Variants in UGT1A8 observed in about 807,000 individuals in gnomAD.
UGT1A8 encodes UDP glucuronosyltransferase family 1 member A8, also known as UDP-glucuronosyltransferase 1A8.
In UGT1A8, 39 loss-of-function variants were observed where a neutral mutation model predicts 45.3. The observed-to-expected ratio is 0.86, with a 90% CI of 0.67 to 1.12. The LOEUF is 1.12. Among genes scored for constraint, UGT1A8 ranks in the 50% most tolerant of loss-of-function variants. The pLI is 0.00. For missense variants in UGT1A8, 719 were observed against 664.9 expected (o/e 1.08, Z -0.90); for synonymous variants, 275 against 249.2 (o/e 1.10, Z -0.97).
chr2:233,754,865 T>C, intron 1 of UGT1A8: 1 of 1,351,074 alleles, frequency 7.4e-7, no homozygotes, highest in Non-Finnish European at 9.9e-7. Flanking sequence ...GTGCAGACCC[T>C]CTGCTTCTGC....
At chr2:233,689,490 A>G (rs943667421) in intron 1 of UGT1A8, among the ~76,000 whole-genome samples, 8 of 152,220 alleles carry the variant, frequency 5.3e-5, no homozygotes, top group Admixed American at 3.9e-4. Context: ...GAAATCGCAA[A>G]TCAATACGCA....
intron 1 of UGT1A8, among the ~76,000 whole-genome samples, chr2:233,704,633 C>CT (rs1366925708): frequency 6.6e-6 from 1 of 151,896 alleles, no homozygotes; most frequent in African/African-American, 2.4e-5. Flanking sequence ...TTATATTAAC[C>CT]TTTTTGCTTA....
intron 1 of UGT1A8, chr2:233,692,720 C>T (rs781721016): frequency 3.3e-5 from 27 of 821,782 alleles, no homozygotes; most frequent in Admixed American, 3.3e-4. Flanking sequence ...CAAAGTGTTG[C>T]TATAACTTTT....
intron 1 of UGT1A8, among the ~76,000 whole-genome samples, chr2:233,735,780 G>A (rs1327428740): frequency 7.9e-5 from 12 of 152,112 alleles, no homozygotes; most frequent in Admixed American, 6.5e-4. Context: ...GCTTACTTTG[G>A]CTGCATATGA....
chr2:233,756,811 T>C (rs1696332579), intron 1 of UGT1A8, among the ~76,000 whole-genome samples: 1 of 152,156 alleles, frequency 6.6e-6, no homozygotes. Context: ...TAAAGGTCAC[T>C]CAATTCCAAG....
intron 1 of UGT1A8, among the ~76,000 whole-genome samples, chr2:233,732,241 G>T (rs2078253316): frequency 6.6e-6 from 1 of 152,170 alleles, no homozygotes; most frequent in South Asian, 2.1e-4. Context: ...TCTGTAGGTT[G>T]CCTGTTCACT....
chr2:233,771,968 G>A (rs942006859), intron 4 of UGT1A8, among the ~76,000 whole-genome samples: 1 of 152,094 alleles, frequency 6.6e-6, no homozygotes, highest in Non-Finnish European at 1.5e-5. Context: ...TTTAAAAATT[G>A]GCCAGACATA....
intron 1 of UGT1A8, among the ~76,000 whole-genome samples, chr2:233,623,528 C>T (rs2073047984): frequency 1.3e-5 from 2 of 151,984 alleles, no homozygotes; most frequent in Non-Finnish European, 2.9e-5. Context: ...AAATTCTTGG[C>T]ATGTCATTCC....
At chr2:233,650,303 T>G (rs940291519) in intron 1 of UGT1A8, among the ~76,000 whole-genome samples, 1 of 152,184 alleles carries the variant, frequency 6.6e-6, no homozygotes, top group South Asian at 2.1e-4. Context: ...TAATTTCCAT[T>G]GAAGGGTTTG....
Position 233,768,229 on chromosome 2 carries a change from T to C in UGT1A8, c.1085T>C (p.Met362Thr), listed in dbSNP as rs371224646. ...CTATTTTGCATCTCAGGTCACCCGATGACCCGTGCCTTTATCACCCATGCT... is the reference window on the plus strand; with the variant it reads ...CTATTTTGCATCTCAGGTCACCCGACGACCCGTGCCTTTATCACCCATGCT... Reference protein sequence around the residue: ...LPQNDLLGHPMTRAFITHAGS... With the variant: ...LPQNDLLGHPTTRAFITHAGS... Residue 362 changes from methionine to threonine, a missense_variant, in exon 4 of 5, where the codon ATG (methionine) becomes ACG (threonine). Coordinates refer to ENST00000373450, the MANE Select transcript of UGT1A8 (RefSeq NM_019076.5). 3.1e-6 allele frequency: 5 copies of C among 1,614,112 alleles called. No homozygotes were observed. The highest frequency in any genetic ancestry group is 4.2e-6 in the Non-Finnish European group (5 of 1,180,052).
intron 1 of UGT1A8, chr2:233,691,573 TG>T: frequency 1.0e-6 from 1 of 985,626 alleles, no homozygotes; most frequent in Non-Finnish European, 1.2e-6. Flanking sequence ...CACCTCTCAC[TG>T]GGACAGCCTA....
intron 1 of UGT1A8, among the ~76,000 whole-genome samples, chr2:233,653,300 G>A (rs1429967354): frequency 6.6e-6 from 1 of 152,108 alleles, no homozygotes; most frequent in Non-Finnish European, 1.5e-5. Flanking sequence ...CATAAAATAG[G>A]TAATAATAAC....
chr2:233,626,142 TG>T lies in UGT1A8; in HGVS notation c.855+7581del, dbSNP rs577078305. 4.6e-5 allele frequency among the ~76,000 whole-genome samples: 7 copies of T among 152,172 alleles called. No individual in the cohort carries two copies. In the East Asian group the frequency reaches 1.3e-3, roughly 29 times the overall value. ...ATGGAAATACATCATAATTACTGTC[TG>T]TTTTTTTCTCTTTGATGTATTTAAA... On this transcript the variant is annotated intron_variant, in intron 1 of 4. Coordinates refer to ENST00000373450, the MANE Select transcript of UGT1A8 (RefSeq NM_019076.5).
chr2:233,742,429 C>T (rs1691973913), intron 1 of UGT1A8, among the ~76,000 whole-genome samples: 1 of 151,970 alleles, frequency 6.6e-6, no homozygotes, highest in Non-Finnish European at 1.5e-5. Flanking sequence ...AGCGGTTTTC[C>T]TCCCTGGGTG....
rs762421458 is a variant in UGT1A8 at position 233,618,372 on chromosome 2, A to G, written c.665A>G (p.Tyr222Cys). The G allele has an allele frequency of 1.9e-6, 3 of 1,613,888 alleles. No homozygotes were observed. The highest frequency in any genetic ancestry group is 1.1e-5 in the South Asian group (1 of 91,064). The change falls in exon 1 of 5, where the codon TAT (tyrosine) becomes TGT (cysteine). Residue 222 changes from tyrosine to cysteine, a missense_variant. Physicochemically the swap from Tyr to Cys is radical, Grantham distance 194. Transcript: ENST00000373450. ...MHLEEHLFCQ[Y>C]FSKNALEIAS... is the part of the protein sequence containing the mutation. ...TTGGAGGAACATTTATTTTGCCAGT[A>G]TTTTTCCAAAAATGCCCTAGAAATA...
chr2:233,678,113 T>C (rs185760487), intron 1 of UGT1A8, among the ~76,000 whole-genome samples: 26 of 152,260 alleles, frequency 1.7e-4, no homozygotes, highest in Non-Finnish European at 3.5e-4. Flanking sequence ...GGGAGCTAAA[T>C]AGTGGGTACT....
chr2:233,701,794 A>G (rs2075651976), intron 1 of UGT1A8, among the ~76,000 whole-genome samples: 1 of 152,218 alleles, frequency 6.6e-6, no homozygotes, highest in South Asian at 2.1e-4. Context: ...CTTTGAAATC[A>G]ACGAGAACAA....
intron 1 of UGT1A8, chr2:233,719,064 G>A (rs745742855): frequency 1.1e-4 from 179 of 1,614,274 alleles, no homozygotes; most frequent in East Asian, 3.6e-4. Context: ...AGCCTATGCT[G>A]TTCCATGGAC....
At chr2:233,683,556 C>T (rs531959268) in intron 1 of UGT1A8, among the ~76,000 whole-genome samples, 121 of 152,220 alleles carry the variant, frequency 7.9e-4, no homozygotes, top group Admixed American at 2.9e-3. Flanking sequence ...GATTGGCCTT[C>T]TTTTGCTATT....
Sources: gnomAD v4.1 joint callset for allele counts (sites outside exome capture counted in the v4.1 genomes callset) on GRCh38, gnomAD v4.1.1 for gene constraint, MANE v1.5 for transcripts, NCBI Gene and HGNC (gene_info 2026-07-23, HGNC 2026-07-21) for gene names.